Variants in SAMD3 observed in about 807,000 individuals in gnomAD.
The protein encoded by SAMD3 is sterile alpha motif domain containing 3.
SAMD3 carries 63 observed loss-of-function variants against 58.5 expected under a neutral mutation model. That is an observed-to-expected ratio of 1.08 (90% CI 0.88 to 1.33). The LOEUF (loss-of-function observed/expected upper bound fraction) is 1.33, where lower values mean the gene tolerates loss of function less well. Ranked by LOEUF, SAMD3 falls within the 40% of genes most tolerant of loss-of-function variation. The probability of loss-of-function intolerance (pLI) is 0.00; values close to 1 mark genes in which losing one functional copy is unlikely to be tolerated. For missense variants in SAMD3, 604 were observed against 608.4 expected (o/e 0.99, Z 0.08); for synonymous variants, 220 against 210.3 (o/e 1.05, Z -0.40).
intron 2 of SAMD3, among the ~76,000 whole-genome samples, chr6:130,303,023 C>T (rs57335959): frequency 6.6e-6 from 1 of 152,074 alleles, no homozygotes; most frequent in Non-Finnish European, 1.5e-5. Context: ...ATGCAATACA[C>T]CCATGTAACA....
Position 130,184,582 on chromosome 6 carries a change from T to C in SAMD3, c.425A>G (p.Gln142Arg). The C allele has an allele frequency of 6.2e-7, 1 of 1,612,396 alleles. No homozygotes were observed. The highest frequency in any genetic ancestry group is 1.3e-5 in the African/African-American group (1 of 75,034). Reference sequence around the variant, plus strand: ...TGGTAAAACATAGGACTTCGTCCACTGTAATGCTTTGCTTCTTGCTAGAAT... The same window carrying C: ...TGGTAAAACATAGGACTTCGTCCACCGTAATGCTTTGCTTCTTGCTAGAAT... ...KQILARSKAL[Q>R]WTKSYVLPEF... is the part of the protein sequence containing the mutation. Residue 142 changes from glutamine to arginine, a missense_variant, in exon 6 of 12, where the codon CAG (glutamine) becomes CGG (arginine). By Grantham distance (43) the Gln-to-Arg change is conservative. Transcript: ENST00000439090.
intron 2 of SAMD3, among the ~76,000 whole-genome samples, chr6:130,216,218 T>C (rs922099235): frequency 7.0e-6 from 1 of 142,888 alleles, no homozygotes; most frequent in Non-Finnish European, 1.5e-5. Context: ...TGTAATTCAA[T>C]CCAAAGGACC....
At chr6:130,325,834 T>C (rs1776741035) in intron 1 of SAMD3, among the ~76,000 whole-genome samples, 1 of 152,166 alleles carries the variant, frequency 6.6e-6, no homozygotes, top group Admixed American at 6.5e-5. Context: ...CCTCCCACAG[T>C]AATACCGATT....
chr6:130,180,820 C>T (rs1205785511), intron 7 of SAMD3, among the ~76,000 whole-genome samples: 1 of 152,138 alleles, frequency 6.6e-6, no homozygotes, highest in Admixed American at 6.5e-5. Context: ...AAAGAATTAT[C>T]CAGCCCCAAA....
chr6:130,202,674 A>C (rs548400852), intron 5 of SAMD3, among the ~76,000 whole-genome samples: 1 of 152,244 alleles, frequency 6.6e-6, no homozygotes, highest in Admixed American at 6.5e-5. Flanking sequence ...TTGTTTTACT[A>C]TAAGACTCCT....
intron 7 of SAMD3, among the ~76,000 whole-genome samples, chr6:130,176,462 G>A (rs71572908): frequency 0.095 from 14,412 of 152,104 alleles, 1,080 homozygotes; most frequent in African/African-American, 0.21. Flanking sequence ...GTTTTGATGA[G>A]TACTATTGGC....
chr6:130,334,669 T>A (rs529139388), intron 1 of SAMD3, among the ~76,000 whole-genome samples: 2 of 152,302 alleles, frequency 1.3e-5, no homozygotes, highest in African/African-American at 4.8e-5. Context: ...TTTAAAGAGG[T>A]TACATGCATT....
chr6:130,349,891 T>A (rs1452029508), intron 1 of SAMD3, among the ~76,000 whole-genome samples: 1 of 152,156 alleles, frequency 6.6e-6, no homozygotes, highest in Non-Finnish European at 1.5e-5. Flanking sequence ...GTGGGCTTCA[T>A]CCCTGGGATG....
Position 130,145,334 on chromosome 6 carries a change from A to G in SAMD3, c.1278+6T>C, listed in dbSNP as rs766946116. On this transcript the variant is annotated splice_donor_region_variant and intron_variant, in intron 11 of 11. Transcript: ENST00000439090. Reference sequence around the variant, plus strand: ...TCAAACTAGTGGCCATTCACATACTACATACCTGTTCATTCATGATGACAA... The same window carrying G: ...TCAAACTAGTGGCCATTCACATACTGCATACCTGTTCATTCATGATGACAA... The G allele has an allele frequency of 8.9e-6, 14 of 1,568,646 alleles. No homozygotes were observed. The highest frequency in any genetic ancestry group is 1.1e-5 in the Non-Finnish European group (12 of 1,140,412).
chr6:130,215,334 T>C lies in SAMD3; in HGVS notation c.-21-40A>G, dbSNP rs767611192. The C allele has an allele frequency of 5.1e-6, 7 of 1,373,910 alleles. No homozygotes were observed. The Admixed American group carries it at 1.7e-4, about 34-fold the overall frequency. 85.1% of individuals were successfully genotyped at this position (1,373,910 alleles called of 1,614,324 possible). A position where few individuals can be genotyped will look rare whatever the true frequency, so the allele number is the denominator to read the frequency against. On this transcript the variant is annotated intron_variant, in intron 2 of 11. Transcript: ENST00000439090. The stretch of plus-strand genomic sequence containing the variant: ...GTCAGAGAATTCTCCAGCTTTTCTT[T>C]CTGATTGTGCCTTAATTTTTTTTTT...
At chr6:130,236,991 CTAA>C (rs1478345070) in intron 2 of SAMD3, among the ~76,000 whole-genome samples, 1 of 152,094 alleles carries the variant, frequency 6.6e-6, no homozygotes, top group Non-Finnish European at 1.5e-5. Flanking sequence ...TCCAACCCTG[CTAA>C]TAATATAAAA....
intron 5 of SAMD3, among the ~76,000 whole-genome samples, chr6:130,185,406 G>A (rs1792840547): frequency 6.6e-6 from 1 of 152,096 alleles, no homozygotes; most frequent in African/African-American, 2.4e-5. Flanking sequence ...TCAGCTCACT[G>A]CAACCTCCGC....
upstream of SAMD3, among the ~76,000 whole-genome samples, chr6:130,225,512 G>A (rs1796362712): frequency 2.6e-5 from 4 of 152,192 alleles, no homozygotes; most frequent in Admixed American, 2.6e-4. Context: ...TACTGGATCA[G>A]TTTCAGTAAG....
At chr6:130,344,314 T>C (rs1777373925) in intron 1 of SAMD3, among the ~76,000 whole-genome samples, 2 of 152,242 alleles carry the variant, frequency 1.3e-5, no homozygotes, top group Non-Finnish European at 2.9e-5. Context: ...TATTTTTTAA[T>C]CCACATTTAT....
At chr6:130,316,288 T>TAAAAA (rs777240578) in intron 1 of SAMD3, among the ~76,000 whole-genome samples, 20 of 80,234 alleles carry the variant, frequency 2.5e-4, no homozygotes, top group African/African-American at 5.7e-4. Context: ...AAGGCTGTCT[T>TAAAAA]AAAAAAAAAA....
chr6:130,302,851 T>C (rs186332367), intron 2 of SAMD3, among the ~76,000 whole-genome samples: 151 of 152,250 alleles, frequency 9.9e-4, no homozygotes, highest in African/African-American at 3.5e-3. Flanking sequence ...AGTTACCACT[T>C]ATAAGTAAGA....
intron 2 of SAMD3, among the ~76,000 whole-genome samples, chr6:130,249,501 C>T (rs181539906): frequency 2.6e-4 from 39 of 152,198 alleles, no homozygotes; most frequent in South Asian, 6.3e-4. Flanking sequence ...TCTGTACTTA[C>T]GGCAGCTTGT....
intron 2 of SAMD3, among the ~76,000 whole-genome samples, chr6:130,281,067 TAATAA>T (rs1240313635): frequency 6.6e-6 from 1 of 152,192 alleles, no homozygotes; most frequent in Admixed American, 6.5e-5. Flanking sequence ...CAATAGCTAA[TAATAA>T]AATAGAACAA....
chr6:130,289,921 C>T (rs1272577906), intron 2 of SAMD3, among the ~76,000 whole-genome samples: 3 of 152,146 alleles, frequency 2.0e-5, no homozygotes, highest in Admixed American at 6.5e-5. Flanking sequence ...TGGCAGATCT[C>T]GTAATCTTGG....
Sources: allele counts gnomAD v4.1 joint callset (sites outside exome capture counted in the v4.1 genomes callset), GRCh38; gene constraint gnomAD v4.1.1; transcripts MANE v1.5; gene names NCBI Gene and HGNC (gene_info 2026-07-23, HGNC 2026-07-21).